Variants in ZNF670 observed in about 807,000 individuals in gnomAD.
The protein encoded by ZNF670 is zinc finger protein 670.
In ZNF670, 7 loss-of-function variants were observed where a neutral mutation model predicts 10.9. The ratio of observed to expected loss-of-function variants is 0.64; its 90% confidence interval spans 0.36 to 1.20. ZNF670 has a LOEUF of 1.20. Among genes scored for constraint, ZNF670 ranks in the 50% most tolerant of loss-of-function variants. ZNF670 has a pLI of 0.02. For synonymous variants in ZNF670, 136 were observed against 152.7 expected (o/e 0.89, Z 0.81); for missense variants, 446 against 458.6 (o/e 0.97, Z 0.25).
At chr1:247,046,904 A>C (rs1283383735) in intron 1 of ZNF670, among the ~76,000 whole-genome samples, 1 of 152,264 alleles carries the variant, frequency 6.6e-6, no homozygotes, top group East Asian at 1.9e-4. Flanking sequence ...TCCAAATGGA[A>C]GAAATGGCCA....
At chr1:247,063,506 C>A (rs140600072) in intron 1 of ZNF670, among the ~76,000 whole-genome samples, 8,722 of 150,464 alleles carry the variant, frequency 0.058, 441 homozygotes, top group African/African-American at 0.14. Context: ...TGGCGTGAAC[C>A]CAGGAGGCGG....
At chr1:247,043,223 A>C (rs1353455705) in intron 1 of ZNF670, 4 of 698,088 alleles carry the variant, frequency 5.7e-6, no homozygotes, top group Non-Finnish European at 1.1e-5. Flanking sequence ...CTAACACAGC[A>C]CTGAAGGAGG....
chr1:247,057,431 G>T lies in ZNF670; in HGVS notation c.4-17894C>A, dbSNP rs530826149. 1.4e-3 allele frequency among the ~76,000 whole-genome samples: 209 copies of T among 152,194 alleles called. 2 individuals are homozygous for T. The highest frequency in any genetic ancestry group is 4.8e-3 in the African/African-American group (200 of 41,542). On this transcript the variant is annotated intron_variant, in intron 1 of 3. Transcript: ENST00000366503. The stretch of plus-strand genomic sequence containing the variant: ...AACCACTCTGGAGAACAGTTTCAAG[G>T]TTCCTCAAAAAGTAAAAATTGAGCT...
intron 1 of ZNF670, among the ~76,000 whole-genome samples, chr1:247,078,282 G>GGAACCCC (rs1671299461): frequency 6.6e-6 from 1 of 152,248 alleles, no homozygotes; most frequent in Non-Finnish European, 1.5e-5. Flanking sequence ...CTCCCACGCA[G>GGAACCCC]GAACCCCGAA....
At position 247,066,458 on chromosome 1, in the gene ZNF670, A is replaced by G. The variant is rs562252613; in HGVS notation, c.3+12136T>C. Among the ~76,000 whole-genome samples, 19 of 152,282 alleles carry G rather than the reference A, an allele frequency of 1.2e-4. No homozygotes were observed. The South Asian group carries it at 3.9e-3, about 32-fold the overall frequency. Reference sequence around the variant, plus strand: ...AAAGACAGGATTCTTAGCTGCACAGAGCCCAGAGGTTTGGTGCAGTATTGG... The same window carrying G: ...AAAGACAGGATTCTTAGCTGCACAGGGCCCAGAGGTTTGGTGCAGTATTGG... On this transcript the variant is annotated intron_variant, in intron 1 of 3. Coordinates refer to ENST00000366503, the MANE Select transcript of ZNF670 (RefSeq NM_033213.5).
At chr1:247,048,361 A>G (rs917571848) in intron 1 of ZNF670, among the ~76,000 whole-genome samples, 1 of 152,124 alleles carries the variant, frequency 6.6e-6, no homozygotes. Context: ...TCCCAAGAAG[A>G]TCCTCATTTC....
intron 1 of ZNF670, among the ~76,000 whole-genome samples, chr1:247,069,975 C>G (rs1671078043): frequency 6.6e-6 from 1 of 152,102 alleles, no homozygotes. Flanking sequence ...TAATTGTACA[C>G]TTTAAAGCAA....
At chr1:247,043,742 A>G (rs1229403228) in intron 1 of ZNF670, 3 of 406,318 alleles carry the variant, frequency 7.4e-6, no homozygotes, top group East Asian at 1.2e-4. Flanking sequence ...TTTAGCGTTC[A>G]TCCTAAAACA....
chr1:247,039,653 G>T, intron 1 of ZNF670, 116 bp from the exon 2 acceptor site: 1 of 1,169,766 alleles, frequency 8.5e-7, no homozygotes, highest in South Asian at 2.4e-5. Context: ...TTTCTTCCAT[G>T]ACCTGGTCAT....
intron 1 of ZNF670, among the ~76,000 whole-genome samples, chr1:247,063,209 G>T (rs1267866864): frequency 6.6e-6 from 1 of 152,180 alleles, no homozygotes; most frequent in South Asian, 2.1e-4. Context: ...ATTCAAAATG[G>T]ATCATAGGAA....
At chr1:247,051,240 C>T (rs959806756) in intron 1 of ZNF670, among the ~76,000 whole-genome samples, 1 of 148,688 alleles carries the variant, frequency 6.7e-6, no homozygotes, top group African/African-American at 2.5e-5. Context: ...GGCGACAGAG[C>T]GAGACTCCGT....
At position 247,036,710 on chromosome 1, in the gene ZNF670, C is replaced by T. The variant is rs548532627; in HGVS notation, c.*739G>A. ...AAAAGTGAACTATGCAAGTAACAGCCAAAACTCATGACAGAATAAAGGAAA... is the reference window on the plus strand; with the variant it reads ...AAAAGTGAACTATGCAAGTAACAGCTAAAACTCATGACAGAATAAAGGAAA... On this transcript the variant is annotated 3_prime_UTR_variant, in exon 4 of 4. Transcript: ENST00000366503. 6.1e-4 allele frequency: 92 copies of T among 151,854 alleles called. 1 individual carries two copies. The highest frequency in any genetic ancestry group is 2.0e-3 in the African/African-American group (84 of 41,398). 9.4% of individuals were successfully genotyped at this position (151,854 alleles called of 1,614,324 possible).
At chr1:247,043,096 G>C in intron 1 of ZNF670, 4 of 1,133,904 alleles carry the variant, frequency 3.5e-6, no homozygotes, top group Non-Finnish European at 5.3e-6. Context: ...CCAGGCTCAG[G>C]AAAAAGAACT....
At chr1:247,057,657 A>G (rs1262771578) in intron 1 of ZNF670, among the ~76,000 whole-genome samples, 1 of 152,244 alleles carries the variant, frequency 6.6e-6, no homozygotes, top group Non-Finnish European at 1.5e-5. Flanking sequence ...TAGCCATAAA[A>G]AAAGAATGAG....
chr1:247,049,715 G>T (rs1670547259), intron 1 of ZNF670, among the ~76,000 whole-genome samples: 1 of 152,190 alleles, frequency 6.6e-6, no homozygotes, highest in Admixed American at 6.5e-5. Context: ...TTGATAGGTT[G>T]TGTCACTACT....
intron 1 of ZNF670, among the ~76,000 whole-genome samples, chr1:247,054,718 T>C (rs912563395): frequency 2.0e-5 from 3 of 152,316 alleles, no homozygotes; most frequent in African/African-American, 7.2e-5. Flanking sequence ...AAGTGAGACG[T>C]AGCACATTCC....
chr1:247,072,817 T>C lies in ZNF670; in HGVS notation c.3+5777A>G, dbSNP rs1671162013. Among the ~76,000 whole-genome samples, 9 of 48,020 alleles carry C rather than the reference T, an allele frequency of 1.9e-4. 2 individuals carry two copies. The highest frequency in any genetic ancestry group is 1.1e-3 in the African/African-American group (8 of 7,088). The allele number at this position is 48,020 out of a possible 152,430, so 31.5% of individuals were successfully genotyped here. On this transcript the variant is annotated intron_variant, in intron 1 of 3. Coordinates refer to ENST00000366503, the MANE Select transcript of ZNF670 (RefSeq NM_033213.5). ...AAAAAAGTGTGTGTATATATATATA[T>C]ATATATATATATATATATATATGCA...
At chr1:247,046,829 C>A (rs939653671) in intron 1 of ZNF670, among the ~76,000 whole-genome samples, 7 of 152,320 alleles carry the variant, frequency 4.6e-5, no homozygotes, top group East Asian at 3.9e-4. Context: ...TCAGAAGTCA[C>A]ATGGGCTGCA....
chr1:247,078,524 C>G (rs76620973), intron 1 of ZNF670, 70 bp downstream of exon 1: 25 of 1,601,312 alleles, frequency 1.6e-5, no homozygotes, highest in Non-Finnish European at 2.0e-5. Context: ...CGGGGAGGTC[C>G]GGGTTCGCCA....
Sources: gnomAD v4.1 joint callset for allele counts (sites outside exome capture counted in the v4.1 genomes callset) on GRCh38, gnomAD v4.1.1 for gene constraint, MANE v1.5 for transcripts, NCBI Gene and HGNC (gene_info 2026-07-23, HGNC 2026-07-21) for gene names.